ABCC4: variants seen among roughly 807,000 people sequenced by gnomAD.
The protein encoded by ABCC4 is ATP binding cassette subfamily C member 4 (PEL blood group).
ABCC4 carries 102 observed loss-of-function variants against 168.5 expected under a neutral mutation model. That is an observed-to-expected ratio of 0.61 (90% confidence interval 0.52 to 0.71). The LOEUF (loss-of-function observed/expected upper bound fraction) is 0.71, where lower values mean the gene tolerates loss of function less well. Ranked by LOEUF, ABCC4 falls within the 30% of genes least tolerant of loss-of-function variation. ABCC4 has a pLI of 0.00. For synonymous variants in ABCC4, 617 were observed against 590.7 expected, an observed-to-expected ratio of 1.04 and a Z score of -0.65; for missense variants, 1,402 against 1,605.8, an observed-to-expected ratio of 0.87 and a Z score of 2.17.
intron 8 of ABCC4, among the ~76,000 whole-genome samples, chr13:95,201,828 C>T (rs1407413290): frequency 6.6e-6 from 1 of 152,160 alleles, no homozygotes; most frequent in African/African-American, 2.4e-5. Flanking sequence ...CAAAAATTAG[C>T]TGGACATGGT....
At chr13:95,143,179 C>T (rs1309637492) in intron 19 of ABCC4, among the ~76,000 whole-genome samples, 1 of 152,104 alleles carries the variant, frequency 6.6e-6, no homozygotes, top group Non-Finnish European at 1.5e-5. Context: ...GAGTAGACCA[C>T]CAAGAGAATT....
chr13:95,213,091 C>T (rs1257710143), intron 4 of ABCC4, among the ~76,000 whole-genome samples: 1 of 150,906 alleles, frequency 6.6e-6, no homozygotes, highest in Non-Finnish European at 1.5e-5. Context: ...CGTGCCATTA[C>T]ACTCCAGCTT....
In ABCC4 at chr13:95,021,692, A is replaced by G. The variant is rs1165077889; in HGVS notation, c.3871-10T>C. 1.3e-6 allele frequency: 2 copies of G among 1,556,448 alleles called. No individual in the cohort carries two copies. Among genetic ancestry groups the G allele is most frequent in the Non-Finnish European group, 1.8e-6 (2 of 1,135,098 alleles). ...TTCTTTTGAAGTATACCTAGAAAAA[A>G]AAAAGGTAAGCATAAAAAGAATGTT... is the stretch of plus-strand genomic sequence containing the variant. On this transcript the variant is annotated splice_polypyrimidine_tract_variant and intron_variant, in intron 30 of 30. Coordinates refer to ENST00000645237, the MANE Select transcript of ABCC4 (RefSeq NM_005845.5).
rs1566360366 is a variant in ABCC4 at position 95,034,745 on chromosome 13, A to G, written c.3736-6T>C. 5 of 1,613,984 alleles carry G rather than the reference A, an allele frequency of 3.1e-6. No individual in the cohort carries two copies. The highest frequency in any genetic ancestry group is 4.2e-6 in the Non-Finnish European group (5 of 1,180,004). ...AGTCTTCCTGAATCTAAAACCTGTT[A>G]ATCAGCAGAAAGAAACCCATTGAAA... On this transcript the variant is annotated splice_polypyrimidine_tract_variant and splice_region_variant and intron_variant, in intron 29 of 30. Transcript: ENST00000645237.
At chr13:95,143,208 C>T (rs979760097) in intron 19 of ABCC4, among the ~76,000 whole-genome samples, 19 of 151,816 alleles carry the variant, frequency 1.3e-4, no homozygotes, top group Non-Finnish European at 2.2e-4. Context: ...TTTCGATTTC[C>T]CACATTTTTT....
chr13:95,218,855 G>GA (rs1357998724), intron 4 of ABCC4, among the ~76,000 whole-genome samples: 1 of 114,610 alleles, frequency 8.7e-6, no homozygotes, highest in Non-Finnish European at 1.9e-5. Flanking sequence ...AGAAAGAAAA[G>GA]AAAAAAAAAG....
At chr13:95,068,892 C>G (rs1390442418) in intron 25 of ABCC4, among the ~76,000 whole-genome samples, 1 of 152,232 alleles carries the variant, frequency 6.6e-6, no homozygotes, top group African/African-American at 2.4e-5. Context: ...AAACATCCCC[C>G]TGGCCCCATC....
At position 95,074,406 on chromosome 13, in the gene ABCC4, T is replaced by G. The variant is rs4148533; in HGVS notation, c.2807-82A>C. 4.6e-4 allele frequency: 521 copies of G among 1,143,458 alleles called. 5 individuals carry two copies. The East Asian group carries it at 0.013, about 28-fold the overall frequency. The allele number at this position is 1,143,458 out of a possible 1,614,324, so 70.8% of individuals were successfully genotyped here. A position where few individuals can be genotyped will look rare whatever the true frequency, so the allele number is the denominator to read the frequency against. ...TTTTGCTCAGTTGAGCTACAGAAGA[T>G]TTTTACGTGGAGTAGGGCACCAAAG... On this transcript the variant is annotated intron_variant, in intron 22 of 30. Transcript: ENST00000645237.
chr13:95,222,805 G>C (rs555976637), intron 4 of ABCC4, among the ~76,000 whole-genome samples: 7 of 152,192 alleles, frequency 4.6e-5, no homozygotes, highest in African/African-American at 1.7e-4. Flanking sequence ...GGGCAATTTT[G>C]CCTCCCAGGA....
intron 4 of ABCC4, among the ~76,000 whole-genome samples, chr13:95,218,984 AG>A (rs765862941): frequency 0.3 from 11,611 of 38,446 alleles, 1,463 homozygotes; most frequent in Non-Finnish European, 0.37. Context: ...AAAGAAAGAA[AG>A]AGTGAGAAAG....
At chr13:95,137,358 C>T (rs2036174592) in intron 19 of ABCC4, among the ~76,000 whole-genome samples, 2 of 152,196 alleles carry the variant, frequency 1.3e-5, no homozygotes, top group African/African-American at 4.8e-5. Flanking sequence ...ACTTCCCTTT[C>T]AGAGATATTA....
intron 20 of ABCC4, among the ~76,000 whole-genome samples, chr13:95,113,347 C>A (rs775464413): frequency 6.6e-6 from 1 of 152,134 alleles, no homozygotes; most frequent in Non-Finnish European, 1.5e-5. Context: ...AGCTAATAGG[C>A]TTCTAATTAA....
At chr13:95,121,231 T>C (rs1437541840) in intron 19 of ABCC4, among the ~76,000 whole-genome samples, 1 of 152,278 alleles carries the variant, frequency 6.6e-6, no homozygotes, top group African/African-American at 2.4e-5. Context: ...ATGGAGCTGA[T>C]GATATTTGCC....
intron 1 of ABCC4, among the ~76,000 whole-genome samples, chr13:95,281,481 T>C (rs1001392005): frequency 1.3e-5 from 2 of 152,024 alleles, no homozygotes; most frequent in East Asian, 1.9e-4. Context: ...ACAATAATTA[T>C]ACAGACTTGG....
At chr13:95,186,978 G>A in intron 10 of ABCC4, 86 bp from the exon 11 acceptor site, 1 of 1,208,720 alleles carries the variant, frequency 8.3e-7, no homozygotes, top group Non-Finnish European at 1.1e-6. Flanking sequence ...CCAGCCCTGG[G>A]AGCTTGAAAA....
At chr13:95,134,620 T>A (rs577161852) in intron 19 of ABCC4, among the ~76,000 whole-genome samples, 2 of 152,166 alleles carry the variant, frequency 1.3e-5, no homozygotes, top group East Asian at 3.9e-4. Context: ...CTTGGGAGGC[T>A]GAGGCAGGAG....
intron 4 of ABCC4, among the ~76,000 whole-genome samples, chr13:95,229,881 C>T (rs1387978084): frequency 1.3e-5 from 2 of 152,192 alleles, no homozygotes; most frequent in Non-Finnish European, 2.9e-5. Context: ...GACCCTCTTC[C>T]TCCAACATGG....
chr13:95,190,629 C>A (rs543614437), intron 9 of ABCC4, among the ~76,000 whole-genome samples: 127 of 152,244 alleles, frequency 8.3e-4, no homozygotes, highest in African/African-American at 2.9e-3. Flanking sequence ...GAGTATAGAA[C>A]CTCAACCGTA....
At chr13:95,230,960 T>C (rs1235469415) in intron 4 of ABCC4, among the ~76,000 whole-genome samples, 3 of 152,218 alleles carry the variant, frequency 2.0e-5, no homozygotes, top group African/African-American at 7.2e-5. Flanking sequence ...TTCAAAGGAA[T>C]TAAAATCTGG....
Sources: allele counts gnomAD v4.1 joint callset (sites outside exome capture counted in the v4.1 genomes callset), GRCh38; gene constraint gnomAD v4.1.1; transcripts MANE v1.5; gene names NCBI Gene and HGNC (gene_info 2026-07-23, HGNC 2026-07-21).